The following ATP13A5 variants were observed in gnomAD, a reference collection of about 807,000 sequenced individuals.
ATP13A5 encodes the protein probable cation-transporting ATPase 13A5.
A neutral mutation model predicts 150.2 loss-of-function variants in ATP13A5; 149 were observed. The observed-to-expected ratio is 0.99, with a 90% CI of 0.87 to 1.14. The LOEUF (loss-of-function observed/expected upper bound fraction) is 1.14. Ranked by LOEUF, ATP13A5 falls within the 50% of genes most tolerant of loss-of-function variation. The pLI, the probability that ATP13A5 is intolerant of heterozygous loss-of-function variation, is 0.00. For synonymous variants in ATP13A5, 497 were observed against 522.2 expected, an observed-to-expected ratio of 0.95 and a Z score of 0.66; for missense variants, 1,383 against 1,449.3, an observed-to-expected ratio of 0.95 and a Z score of 0.74.
intron 7 of ATP13A5, among the ~76,000 whole-genome samples, chr3:193,346,702 C>T (rs1712352691): frequency 6.6e-6 from 1 of 152,036 alleles, no homozygotes; most frequent in Non-Finnish European, 1.5e-5. Flanking sequence ...GCAACTTTCC[C>T]CTTAAGAAAA....
At chr3:193,342,937 C>T (rs1206044070) in intron 9 of ATP13A5, among the ~76,000 whole-genome samples, 1 of 152,144 alleles carries the variant, frequency 6.6e-6, no homozygotes, top group Non-Finnish European at 1.5e-5. Flanking sequence ...TATGCAAATC[C>T]TCATCACTAT....
chr3:193,359,859 C>T (rs1188784627), intron 5 of ATP13A5, among the ~76,000 whole-genome samples: 1 of 151,870 alleles, frequency 6.6e-6, no homozygotes, highest in East Asian at 1.9e-4. Context: ...GGAGAGGGTC[C>T]TTCCATTTCT....
chr3:193,284,108 C>T (rs1215976367), intron 27 of ATP13A5, among the ~76,000 whole-genome samples: 2 of 151,480 alleles, frequency 1.3e-5, no homozygotes, highest in Non-Finnish European at 2.9e-5. Context: ...GCAGCCTCGA[C>T]CTCCCAGGCT....
chr3:193,367,234 A>T (rs1220945610), intron 1 of ATP13A5, among the ~76,000 whole-genome samples: 1 of 152,092 alleles, frequency 6.6e-6, no homozygotes, highest in East Asian at 1.9e-4. Context: ...ATACAACACA[A>T]TAGAGAGAAA....
intron 9 of ATP13A5, among the ~76,000 whole-genome samples, chr3:193,336,579 T>A (rs1292944350): frequency 6.6e-6 from 1 of 152,262 alleles, no homozygotes; most frequent in East Asian, 1.9e-4. Flanking sequence ...TCCGTTTTTA[T>A]GGCTGCATAG....
chr3:193,360,892 G>C (rs1712981931), intron 5 of ATP13A5, among the ~76,000 whole-genome samples: 1 of 152,188 alleles, frequency 6.6e-6, no homozygotes. Flanking sequence ...GGCCAGGCTG[G>C]TCTTGAACTC....
chr3:193,335,200 G>A (rs1174990376), intron 9 of ATP13A5, 101 bp from the exon 10 acceptor site: 17 of 1,057,156 alleles, frequency 1.6e-5, no homozygotes, highest in South Asian at 3.0e-5. Context: ...CAACTAATCC[G>A]GTCTTAATGC....
Position 193,334,928 on chromosome 3 carries a change from C to T in ATP13A5, c.1114+1G>A, listed in dbSNP as rs780366130. Reference sequence around the variant, plus strand: ...AACTTACAAAAGTGGAATCCACTAACCTGTTTGCAAAACGACTGCTCGTAC... The same window carrying T: ...AACTTACAAAAGTGGAATCCACTAATCTGTTTGCAAAACGACTGCTCGTAC... On this transcript the variant is annotated splice_donor_variant, in intron 10 of 29. Transcript: ENST00000342358. LOFTEE classifies it high-confidence loss of function. 2 of 1,612,076 alleles carry T rather than the reference C, an allele frequency of 1.2e-6. No individual in the cohort carries two copies. Among genetic ancestry groups the T allele is most frequent in the Admixed American group, 1.7e-5 (1 of 59,888 alleles).
rs773356988 is a variant in ATP13A5, at chr3:193,331,156, CAT to C, written c.1426_1427del (p.Met476ValfsTer10). 29 of 1,613,912 alleles carry C rather than the reference CAT, an allele frequency of 1.8e-5. No homozygotes were observed. In the East Asian group the frequency reaches 6.2e-4, roughly 35 times the overall value. ...AGCACACGAGGTTTATTTGCCCACA[CAT>C]GTTGATTCTCTGTGGGGAGATACAG... is the stretch of plus-strand genomic sequence containing the variant. ...IFCISPQRIN[M>X]CGQINLVCFD... On this transcript the variant is annotated frameshift_variant, in exon 12 of 30. Transcript: ENST00000342358. LOFTEE classifies it high-confidence loss of function.
chr3:193,353,207 A>G (rs1006812685), intron 6 of ATP13A5, among the ~76,000 whole-genome samples: 10 of 152,020 alleles, frequency 6.6e-5, no homozygotes, highest in African/African-American at 2.4e-4. Flanking sequence ...CCAAACCTTC[A>G]GGGACCACAT....
At chr3:193,280,353 C>CAGTGTGTGGCCAGTTAAACCAGTTAA (rs1717431274) in intron 27 of ATP13A5, among the ~76,000 whole-genome samples, 1 of 152,066 alleles carries the variant, frequency 6.6e-6, no homozygotes, top group South Asian at 2.1e-4. Flanking sequence ...CCCTGGCCTC[C>CAGTGTGTGGCCAGTTAAACCAGTTAA]AATTTTTCTT....
At chr3:193,335,319 C>G (rs193191378) in intron 9 of ATP13A5, among the ~76,000 whole-genome samples, 271 of 152,278 alleles carry the variant, frequency 1.8e-3, no homozygotes, top group Non-Finnish European at 2.4e-3. Context: ...TATCCTATAC[C>G]TGGCCTGCAT....
In ATP13A5 at chr3:193,319,022, C is replaced by T. The variant is rs144655859; in HGVS notation, c.2002G>A (p.Gly668Arg). ...AAGTGCTCGACTTCTGAAAGATTCC[C>T]CATCTTTAAGGTTTTGTGGGCAAGA... is the stretch of plus-strand genomic sequence containing the variant. ...IALAHKTLKM[G>R]NLSEVEHLAR... is the part of the protein sequence containing the mutation. The change falls in exon 17 of 30, where the codon GGG becomes AGG. Residue 668 changes from glycine (G) to arginine (R), a missense_variant. Gly to Arg is a moderately radical substitution (Grantham distance 125, BLOSUM62 -2). This residue lies in a region of ATP13A5 where 28 missense variants were observed against 55.9 expected (regional missense o/e 0.50). Transcript: ENST00000342358. The T allele has an allele frequency of 3.1e-6, 5 of 1,613,602 alleles. No individual in the cohort carries two copies. The African/African-American group carries it at 5.3e-5, about 17-fold the overall frequency.
At chr3:193,362,510 C>T (rs768540939) in intron 4 of ATP13A5, 49 bp from the exon 5 acceptor site, 1 of 1,613,158 alleles carries the variant, frequency 6.2e-7, no homozygotes, top group Admixed American at 1.7e-5. Flanking sequence ...TAGCACTCAA[C>T]AAATCAGTGT....
At chr3:193,354,015 G>T in intron 6 of ATP13A5, 112 bp downstream of exon 6, 2 of 793,118 alleles carry the variant, frequency 2.5e-6, no homozygotes, top group Non-Finnish European at 3.8e-6. Flanking sequence ...AAAAGAAGTC[G>T]CATGAAACAA....
At chr3:193,353,293 A>G (rs1310018179) in intron 6 of ATP13A5, among the ~76,000 whole-genome samples, 1 of 145,518 alleles carries the variant, frequency 6.9e-6, no homozygotes, top group Non-Finnish European at 1.5e-5. Context: ...ATTGATGGGG[A>G]AAGTGTCCCA....
rs1011859263 is a variant in ATP13A5, at chr3:193,350,995, A to G, written c.741+72T>C. On this transcript the variant is annotated intron_variant, in intron 7 of 29. Transcript: ENST00000342358. ...GTTGACAAAGCAACTCCTGGCTCTC[A>G]GTGGAAATACCATGGGCTTTACTTC... The G allele has an allele frequency of 3.4e-5, 53 of 1,540,646 alleles. No homozygotes were observed. The African/African-American group carries it at 6.3e-4, about 18-fold the overall frequency.
intron 17 of ATP13A5, 48 bp downstream of exon 17, chr3:193,318,943 C>T (rs1719152691): frequency 1.5e-6 from 2 of 1,367,022 alleles, no homozygotes; most frequent in Non-Finnish European, 2.1e-6. Context: ...AGGACTCGCA[C>T]TTCATGGGCA....
rs1717112238 is a variant in ATP13A5, at chr3:193,274,865, A to G, written c.*177T>C. On this transcript the variant is annotated 3_prime_UTR_variant, in exon 30 of 30. Coordinates refer to ENST00000342358, the MANE Select transcript of ATP13A5 (RefSeq NM_198505.4). The stretch of plus-strand genomic sequence containing the variant: ...TTTTTTTCTCTCATTGGTAAAGCAT[A>G]CAGTCAGAATAAGCCTATCTAAGGT... The G allele has an allele frequency of 2.5e-6, 2 of 787,608 alleles. No homozygotes were observed. The highest frequency in any genetic ancestry group is 5.1e-5 in the Admixed American group (2 of 39,078). The allele number at this position is 787,608 out of a possible 1,614,324, so 48.8% of individuals were successfully genotyped here. A position where few individuals can be genotyped will look rare whatever the true frequency, so the allele number is the denominator to read the frequency against.
Sources: allele counts gnomAD v4.1 joint callset (sites outside exome capture counted in the v4.1 genomes callset), GRCh38; gene constraint gnomAD v4.1.1; regional missense constraint gnomAD v4.1.1; transcripts MANE v1.5; gene names NCBI Gene and HGNC (gene_info 2026-07-23, HGNC 2026-07-21).